Variants in DKK3 observed in about 807,000 individuals in gnomAD.
The protein encoded by DKK3 is dickkopf-related protein 3.
DKK3 carries 22 observed loss-of-function variants against 33.2 expected under a neutral mutation model. That is an observed-to-expected ratio of 0.66 (90% confidence interval 0.47 to 0.95). The LOEUF is 0.95. Among genes scored for constraint, DKK3 ranks in the 40% least tolerant of loss-of-function variants. The pLI is 0.00. For synonymous variants in DKK3, 194 were observed against 188.8 expected, an observed-to-expected ratio of 1.03 and a Z score of -0.23; for missense variants, 398 against 458.4, an observed-to-expected ratio of 0.87 and a Z score of 1.20.
Position 11,967,018 on chromosome 11 carries a change from G to A in DKK3, c.609C>T (p.Ser203=). The change falls in exon 5 of 7, where the codon AGC becomes AGT. Residue 203 remains serine (S), a synonymous_variant. Coordinates refer to ENST00000683431, the MANE Select transcript of DKK3 (RefSeq NM_001018057.2). ...GHCTKMATRG[S]NGTICDNQRD... is the part of the protein sequence containing the mutation. ...TCTGGTTGTCACAGATGGTCCCATTGCTGCCCCTGGTGGCCATTTTGGTGC... is the reference window on the plus strand; with the variant it reads ...TCTGGTTGTCACAGATGGTCCCATTACTGCCCCTGGTGGCCATTTTGGTGC... 1 of 1,614,070 alleles carries A rather than the reference G, an allele frequency of 6.2e-7. No individual in the cohort carries two copies. The highest frequency in any genetic ancestry group is 8.5e-7 in the Non-Finnish European group (1 of 1,180,022).
chr11:12,002,578 C>T, intron 1 of DKK3, 141 bp from the exon 2 acceptor site: 1 of 868,232 alleles, frequency 1.2e-6, no homozygotes, highest in Non-Finnish European at 1.7e-6. Flanking sequence ...TGAGTACTCA[C>T]TATGATAAGA....
intron 3 of DKK3, among the ~76,000 whole-genome samples, chr11:11,997,762 A>G (rs1848329644): frequency 6.6e-6 from 1 of 152,158 alleles, no homozygotes; most frequent in South Asian, 2.1e-4. Flanking sequence ...ACATTTGAGC[A>G]CTGTGCCAAA....
intron 2 of DKK3, among the ~76,000 whole-genome samples, chr11:11,999,501 G>A (rs1406113315): frequency 1.3e-5 from 2 of 152,272 alleles, no homozygotes; most frequent in African/African-American, 2.4e-5. Flanking sequence ...GGCAAGTGCC[G>A]ATAATCCCAG....
In DKK3 at chr11:11,983,296, C is replaced by A. The variant is rs147745283; in HGVS notation, c.436-14809G>T. 4.5e-3 allele frequency among the ~76,000 whole-genome samples: 678 copies of A among 152,310 alleles called. 3 individuals are homozygous for A. The highest frequency in any genetic ancestry group is 0.015 in the African/African-American group (634 of 41,560). On this transcript the variant is annotated intron_variant, in intron 3 of 6. Coordinates refer to ENST00000683431, the MANE Select transcript of DKK3 (RefSeq NM_001018057.2). ...CACTCTCAGCACTTGGAGATAGCAC[C>A]TATGCAAGAGCTGGTTCCTCAGGAG... is the stretch of plus-strand genomic sequence containing the variant.
intron 1 of DKK3, among the ~76,000 whole-genome samples, chr11:12,004,942 G>A (rs1848506660): frequency 6.6e-6 from 1 of 152,174 alleles, no homozygotes; most frequent in African/African-American, 2.4e-5. Flanking sequence ...AAATGGGGCT[G>A]AGATAGAAGA....
At chr11:12,002,635 ATCTC>A (rs936406435) in intron 1 of DKK3, among the ~76,000 whole-genome samples, 198 bp from the exon 2 acceptor site, 3 of 152,194 alleles carry the variant, frequency 2.0e-5, no homozygotes, top group African/African-American at 7.2e-5. Context: ...AAATTTCACA[ATCTC>A]TCTGGGAGGT....
intron 1 of DKK3, among the ~76,000 whole-genome samples, chr11:12,005,488 A>G (rs1375110590): frequency 6.6e-6 from 1 of 152,242 alleles, no homozygotes; most frequent in African/African-American, 2.4e-5. Context: ...GAGTGGTTAT[A>G]TCTTCAGAAT....
At chr11:11,974,032 C>T (rs1268806367) in intron 3 of DKK3, among the ~76,000 whole-genome samples, 2 of 152,244 alleles carry the variant, frequency 1.3e-5, no homozygotes, top group Non-Finnish European at 2.9e-5. Flanking sequence ...TCACCGGAGG[C>T]CCAAAGGAAG....
intron 3 of DKK3, among the ~76,000 whole-genome samples, chr11:11,977,873 G>T (rs374031643): frequency 6.6e-6 from 1 of 152,140 alleles, no homozygotes; most frequent in African/African-American, 2.4e-5. Flanking sequence ...TCAAAGTGGG[G>T]AACCTCATGA....
At chr11:11,983,045 A>C (rs1487028921) in intron 3 of DKK3, among the ~76,000 whole-genome samples, 1 of 152,226 alleles carries the variant, frequency 6.6e-6, no homozygotes, top group East Asian at 1.9e-4. Flanking sequence ...AATTACAAAA[A>C]GCCAAGCAGG....
chr11:11,987,577 C>A (rs1848096608), intron 3 of DKK3, among the ~76,000 whole-genome samples: 1 of 152,174 alleles, frequency 6.6e-6, no homozygotes, highest in Admixed American at 6.5e-5. Context: ...AAGGAAACAA[C>A]TCTGCAATTG....
chr11:11,972,695 G>A (rs563980988), intron 3 of DKK3, among the ~76,000 whole-genome samples: 3 of 152,338 alleles, frequency 2.0e-5, no homozygotes, highest in South Asian at 4.1e-4. Context: ...GCACAGACAG[G>A]CCCTGAGCTG....
intron 1 of DKK3, among the ~76,000 whole-genome samples, chr11:12,002,785 C>T (rs1031420747): frequency 1.3e-5 from 2 of 152,288 alleles, no homozygotes; most frequent in East Asian, 1.9e-4. Context: ...CCTGTGTAAA[C>T]GCTGTTGATG....
At chr11:11,983,696 G>C (rs1848005004) in intron 3 of DKK3, among the ~76,000 whole-genome samples, 1 of 152,232 alleles carries the variant, frequency 6.6e-6, no homozygotes, top group African/African-American at 2.4e-5. Flanking sequence ...GGCAGCAGGA[G>C]TCAGTGCAGG....
In DKK3 at chr11:11,984,655, T is replaced by TAA. The variant is rs11297335; in HGVS notation, c.435+14039_435+14040dup. 4.9e-3 allele frequency among the ~76,000 whole-genome samples: 682 copies of TAA among 139,100 alleles called. 2 individuals are homozygous for TAA. Among genetic ancestry groups the TAA allele is most frequent in the African/African-American group, 0.011 (415 of 38,082 alleles). The allele number at this position is 139,100 out of a possible 152,430, so 91.3% of individuals were successfully genotyped here. A position where few individuals can be genotyped will look rare whatever the true frequency, so the allele number is the denominator to read the frequency against. ...TTCAAAGAATTTGCTCAATTTCCTT[T>TAA]AAAAAAAAAAAAAAAAAGAAAAAGT... On this transcript the variant is annotated intron_variant, in intron 3 of 6. Coordinates refer to ENST00000683431, the MANE Select transcript of DKK3 (RefSeq NM_001018057.2).
upstream of DKK3, chr11:12,009,420 G>GC (rs1848613732): frequency 1.0e-6 from 1 of 963,632 alleles, no homozygotes; most frequent in Non-Finnish European, 1.2e-6. Context: ...CCCGCGGAGG[G>GC]GCCGCAGCCC....
At position 11,964,838 on chromosome 11, in the gene DKK3, A is replaced by G. The variant is rs374507712; in HGVS notation, c.831-152T>C. 3.1e-5 allele frequency: 44 copies of G among 1,426,788 alleles called. No homozygotes were observed. The South Asian group carries it at 6.1e-4, about 20-fold the overall frequency. 88.4% of individuals were successfully genotyped at this position (1,426,788 alleles called of 1,614,324 possible). A position where few individuals can be genotyped will look rare whatever the true frequency, so the allele number is the denominator to read the frequency against. ...CAGAGACACTTCACTTCCCGTCAACATCTATCTTAAAATGATGGCTGAGGG... is the reference window on the plus strand; with the variant it reads ...CAGAGACACTTCACTTCCCGTCAACGTCTATCTTAAAATGATGGCTGAGGG... On this transcript the variant is annotated intron_variant, in intron 6 of 6. Coordinates refer to ENST00000683431, the MANE Select transcript of DKK3 (RefSeq NM_001018057.2).
chr11:11,982,238 C>T (rs932667475), intron 3 of DKK3, among the ~76,000 whole-genome samples: 1 of 151,820 alleles, frequency 6.6e-6, no homozygotes, highest in Admixed American at 6.6e-5. Context: ...CTGAAAGAAA[C>T]ACTGGAGGAG....
At chr11:12,006,863 G>A (rs1848547138) in intron 1 of DKK3, among the ~76,000 whole-genome samples, 1 of 152,214 alleles carries the variant, frequency 6.6e-6, no homozygotes, top group Non-Finnish European at 1.5e-5. Context: ...TCTGTGTGCA[G>A]GAGGGAAAGT....
Sources: gnomAD v4.1 joint callset for allele counts (sites outside exome capture counted in the v4.1 genomes callset) on GRCh38, gnomAD v4.1.1 for gene constraint, MANE v1.5 for transcripts, NCBI Gene and HGNC (gene_info 2026-07-23, HGNC 2026-07-21) for gene names.